KCNC2: variants seen among roughly 807,000 people sequenced by gnomAD.
KCNC2 encodes the protein voltage-gated potassium channel KCNC2.
KCNC2 carries 21 observed loss-of-function variants against 44.5 expected under a neutral mutation model. The observed-to-expected ratio is 0.47, with a 90% CI of 0.33 to 0.68. KCNC2 has a LOEUF of 0.68. Ranked by LOEUF, KCNC2 falls within the 30% of genes least tolerant of loss-of-function variation. The pLI, the probability that KCNC2 is intolerant of heterozygous loss-of-function variation, is 0.01. For missense variants in KCNC2, 589 were observed against 826.2 expected, an observed-to-expected ratio of 0.71 and a Z score of 3.52; for synonymous variants, 391 against 339.1, an observed-to-expected ratio of 1.15 and a Z score of -1.68.
At position 75,207,244 on chromosome 12, in the gene KCNC2, G is replaced by A; in HGVS notation, c.687+53C>T. ...GGGTGGAAAAGAACAGAAAGTTGGG[G>A]AGGGAGTTGGGAGAAGTTGAAGCAG... On this transcript the variant is annotated intron_variant, in intron 2 of 4. Coordinates refer to ENST00000549446, the MANE Select transcript of KCNC2 (RefSeq NM_139137.4). This position sits in a 1 kb window ranked among gnomAD's most constrained non-coding sequence, Gnocchi z 4.1. The A allele has an allele frequency of 1.3e-6, 2 of 1,503,802 alleles. No homozygotes were observed. Among genetic ancestry groups the A allele is most frequent in the Non-Finnish European group, 1.8e-6 (2 of 1,129,068 alleles). The allele number at this position is 1,503,802 out of a possible 1,614,324, so 93.2% of individuals were successfully genotyped here. A position where few individuals can be genotyped will look rare whatever the true frequency, so the allele number is the denominator to read the frequency against.
At chr12:75,156,394 T>C (rs545065823) in intron 2 of KCNC2, among the ~76,000 whole-genome samples, 1 of 151,816 alleles carries the variant, frequency 6.6e-6, no homozygotes, top group African/African-American at 2.4e-5. Context: ...TAAAGTTTTA[T>C]TGGTTTGCAG....
chr12:75,182,379 G>A (rs181184394), intron 2 of KCNC2, among the ~76,000 whole-genome samples: 39 of 151,314 alleles, frequency 2.6e-4, no homozygotes, highest in South Asian at 1.0e-3. Context: ...AAAAATTAGC[G>A]GGGCGTGGTG....
intron 2 of KCNC2, among the ~76,000 whole-genome samples, chr12:75,129,392 G>A (rs530104172): frequency 3.3e-5 from 5 of 152,136 alleles, no homozygotes; most frequent in Non-Finnish European, 7.3e-5. Context: ...TATTGAGCTC[G>A]TAACTTCCCT....
intron 2 of KCNC2, among the ~76,000 whole-genome samples, chr12:75,110,957 CT>C (rs1887189376): frequency 6.6e-6 from 1 of 151,942 alleles, no homozygotes; most frequent in Non-Finnish European, 1.5e-5. Flanking sequence ...CTTTGTTATT[CT>C]TGTTTTTGAT....
intron 2 of KCNC2, among the ~76,000 whole-genome samples, chr12:75,147,381 A>T (rs558298714): frequency 7.9e-5 from 12 of 152,254 alleles, no homozygotes; most frequent in African/African-American, 2.9e-4. Context: ...CGTTTTCTTA[A>T]AAGTTCACTT....
chr12:75,086,090 A>T (rs568597836), intron 2 of KCNC2, among the ~76,000 whole-genome samples: 2 of 152,144 alleles, frequency 1.3e-5, no homozygotes, highest in East Asian at 3.9e-4. Context: ...AGTATGCTCT[A>T]TTCATATTCT....
At chr12:75,068,560 A>G (rs941868519) in intron 2 of KCNC2, among the ~76,000 whole-genome samples, 4 of 152,244 alleles carry the variant, frequency 2.6e-5, no homozygotes, top group African/African-American at 7.2e-5. Context: ...GTAAAGCTAC[A>G]TAAACAAATT....
intron 2 of KCNC2, among the ~76,000 whole-genome samples, chr12:75,135,100 G>C (rs997623703): frequency 5.3e-5 from 8 of 151,730 alleles, no homozygotes; most frequent in African/African-American, 1.7e-4. Context: ...AGATTTTATT[G>C]ATTCTTATGG....
chr12:75,166,068 A>T (rs999893219), intron 2 of KCNC2, among the ~76,000 whole-genome samples: 5 of 151,364 alleles, frequency 3.3e-5, no homozygotes, highest in African/African-American at 1.2e-4. Context: ...AAAAATATAT[A>T]CCACATACCA....
intron 2 of KCNC2, among the ~76,000 whole-genome samples, chr12:75,159,759 T>A (rs751910871): frequency 1.3e-5 from 2 of 151,880 alleles, no homozygotes; most frequent in Admixed American, 6.6e-5. Context: ...TTTTTGTAAC[T>A]ACATATTGCA....
intron 2 of KCNC2, among the ~76,000 whole-genome samples, chr12:75,057,652 C>A (rs1330112633): frequency 6.6e-6 from 1 of 151,812 alleles, no homozygotes; most frequent in South Asian, 2.1e-4. Context: ...ATATATCACA[C>A]GTTACAGATT....
At chr12:75,067,274 G>GCCTGT (rs1882927058) in intron 2 of KCNC2, among the ~76,000 whole-genome samples, 1 of 152,112 alleles carries the variant, frequency 6.6e-6, no homozygotes, top group African/African-American at 2.4e-5. Flanking sequence ...CGTGTTTAGA[G>GCCTGT]TTGCCTTTAT....
intron 2 of KCNC2, among the ~76,000 whole-genome samples, chr12:75,121,507 G>C (rs1285118887): frequency 6.6e-6 from 1 of 152,176 alleles, no homozygotes; most frequent in Non-Finnish European, 1.5e-5. Context: ...ATAGGGGTGG[G>C]AGGCAGAAAA....
At chr12:75,168,336 G>T (rs2098611691) in intron 2 of KCNC2, among the ~76,000 whole-genome samples, 1 of 151,190 alleles carries the variant, frequency 6.6e-6, no homozygotes, top group Non-Finnish European at 1.5e-5. Context: ...ATTGTATTTA[G>T]TTCTTTACTA....
At chr12:75,059,557 A>G (rs74348848) in intron 2 of KCNC2, among the ~76,000 whole-genome samples, 1 of 152,132 alleles carries the variant, frequency 6.6e-6, no homozygotes, top group East Asian at 1.9e-4. Context: ...TCTCTTTTAA[A>G]TGATTTTCCT....
chr12:75,207,624 G>C lies in KCNC2; in HGVS notation c.360C>G (p.Thr120=), dbSNP rs773968350. The change falls in exon 2 of 5, where the codon ACC becomes ACG. Residue 120 remains threonine, a synonymous_variant. Transcript: ENST00000549446. The surrounding 1 kb of genome is among the most constrained non-coding windows in gnomAD (Gnocchi z 4.1). Reference sequence around the variant, plus strand: ...CGTCTGCGGGGCAGTGCAGCTTGCCGGTGCGGTAGTAATTGAGCACATAGG... The same window carrying C: ...CGTCTGCGGGGCAGTGCAGCTTGCCCGTGCGGTAGTAATTGAGCACATAGG... ...VFAYVLNYYR[T]GKLHCPADVC... The C allele has an allele frequency of 1.2e-6, 2 of 1,611,830 alleles. No homozygotes were observed. The highest frequency in any genetic ancestry group is 1.7e-5 in the Admixed American group (1 of 60,004).
intron 2 of KCNC2, among the ~76,000 whole-genome samples, chr12:75,095,898 G>A (rs1885879816): frequency 6.6e-6 from 1 of 151,848 alleles, no homozygotes; most frequent in South Asian, 2.1e-4. Flanking sequence ...AGAGAATAAT[G>A]TGGACAGGTA....
chr12:75,139,832 T>C (rs1430555964), intron 2 of KCNC2, among the ~76,000 whole-genome samples: 6 of 152,214 alleles, frequency 3.9e-5, no homozygotes, highest in Admixed American at 3.9e-4. Context: ...ATTAATAAAG[T>C]ATTGCAGCGG....
chr12:75,175,430 G>T (rs1282723298), intron 2 of KCNC2, among the ~76,000 whole-genome samples: 1 of 151,976 alleles, frequency 6.6e-6, no homozygotes, highest in Non-Finnish European at 1.5e-5. Context: ...ATTAAAGATT[G>T]CATCATTGGT....
Sources: gnomAD v4.1 joint callset for allele counts (sites outside exome capture counted in the v4.1 genomes callset) on GRCh38, gnomAD v4.1.1 for gene constraint, Gnocchi (gnomAD v3.1) non-coding constraint, MANE v1.5 for transcripts, NCBI Gene and HGNC (gene_info 2026-07-23, HGNC 2026-07-21) for gene names.